Variants in TBCD observed in about 807,000 individuals in gnomAD.
TBCD encodes tubulin-specific chaperone D.
In TBCD, 105 loss-of-function variants were observed where a neutral mutation model predicts 169.3. The ratio of observed to expected loss-of-function variants is 0.62; its 90% CI spans 0.53 to 0.73. The LOEUF (loss-of-function observed/expected upper bound fraction) is 0.73, where lower values mean the gene tolerates loss of function less well. Ranked by LOEUF, TBCD falls within the 30% of genes least tolerant of loss-of-function variation. The pLI is 0.00. For missense variants in TBCD, 1,444 were observed against 1,600.1 expected (o/e 0.90, Z 1.66); for synonymous variants, 700 against 643.9 (o/e 1.09, Z -1.32).
chr17:82,931,655 G>A (rs1001044575), intron 33 of TBCD, among the ~76,000 whole-genome samples: 1 of 152,202 alleles, frequency 6.6e-6, no homozygotes, highest in African/African-American at 2.4e-5. Context: ...CTGTGTGTGC[G>A]AGCCTGTGGG....
At chr17:82,940,714 C>T (rs2063127637) in intron 37 of TBCD, among the ~76,000 whole-genome samples, 1 of 152,204 alleles carries the variant, frequency 6.6e-6, no homozygotes, top group South Asian at 2.1e-4. Flanking sequence ...AGAGAATGGC[C>T]ATCTTAACTA....
chr17:82,841,575 T>G (rs746036409), intron 13 of TBCD, among the ~76,000 whole-genome samples: 1 of 152,228 alleles, frequency 6.6e-6, no homozygotes, highest in Non-Finnish European at 1.5e-5. Context: ...GAGACATCCA[T>G]ATACTTTATG....
rs976610967 is a variant in TBCD, at chr17:82,930,948, G to A, written c.3113+305G>A. On this transcript the variant is annotated intron_variant, in intron 33 of 38. Transcript: ENST00000355528. The surrounding 1 kb of genome is among the most constrained non-coding windows in gnomAD (Gnocchi z 5.2). ...AGGTGGTCCCTGTGTGTAGGAAGGC[G>A]TTGTGGGAGCTCCTCCAGCTTGGTG... Among the ~76,000 whole-genome samples, 4 of 152,362 alleles carry A rather than the reference G, an allele frequency of 2.6e-5. No homozygotes were observed. Among genetic ancestry groups the A allele is most frequent in the African/African-American group, 7.2e-5 (3 of 41,580 alleles).
intron 13 of TBCD, among the ~76,000 whole-genome samples, chr17:82,846,684 C>T (rs1199427863): frequency 1.3e-5 from 2 of 152,236 alleles, no homozygotes; most frequent in African/African-American, 4.8e-5. Context: ...CCTCTCTGCC[C>T]CCGTCACCTC....
rs1293337823 is a variant in TBCD, at chr17:82,849,898, C to T, written c.1319-20326C>T. Among the ~76,000 whole-genome samples, 13 of 150,982 alleles carry T rather than the reference C, an allele frequency of 8.6e-5. No individual in the cohort carries two copies. In the East Asian group the frequency reaches 9.7e-4, roughly 11 times the overall value. On this transcript the variant is annotated intron_variant, in intron 13 of 38. Transcript: ENST00000355528. ...TGAGGCTGTGCTGCTGTTGGCTGTG[C>T]TGTTGTTGGCTGTGCTGTTGTTGGC...
chr17:82,923,623 G>A lies in TBCD; in HGVS notation c.2179-29G>A, dbSNP rs1380892966. 1.9e-6 allele frequency: 3 copies of A among 1,544,860 alleles called. No individual in the cohort carries two copies. The highest frequency in any genetic ancestry group is 1.9e-5 in the Admixed American group (1 of 51,324). ...GGGGGCTTCTCCGAGCAGAGCTGCT[G>A]TGCGCTCACCGTGCTGCCTTTGTTT... On this transcript the variant is annotated intron_variant, in intron 25 of 38. Transcript: ENST00000355528. The surrounding 1 kb of genome is among the most constrained non-coding windows in gnomAD (Gnocchi z 4.6).
intron 9 of TBCD, among the ~76,000 whole-genome samples, chr17:82,805,118 G>A (rs988812998): frequency 5.3e-5 from 8 of 152,374 alleles, no homozygotes; most frequent in African/African-American, 1.2e-4. Context: ...AGCTGTGTAC[G>A]CGGGGGCCTT....
intron 13 of TBCD, among the ~76,000 whole-genome samples, chr17:82,815,663 C>T (rs535420995): frequency 8.1e-4 from 123 of 152,332 alleles, no homozygotes; most frequent in Middle Eastern, 3.4e-3. Flanking sequence ...GATGTCTGTA[C>T]AGGATAGAGT....
intron 9 of TBCD, among the ~76,000 whole-genome samples, chr17:82,803,569 C>T (rs1167800107): frequency 2.6e-5 from 4 of 152,228 alleles, no homozygotes; most frequent in Non-Finnish European, 5.9e-5. Context: ...ATTGCTGCTT[C>T]CTGGGCTGTT....
intron 13 of TBCD, among the ~76,000 whole-genome samples, chr17:82,838,167 T>C (rs927379286): frequency 6.6e-6 from 1 of 152,146 alleles, no homozygotes; most frequent in Non-Finnish European, 1.5e-5. Flanking sequence ...GTGGTTTCGG[T>C]TGGCCATGGG....
intron 28 of TBCD, chr17:82,926,916 C>T (rs1213893666): frequency 9.2e-6 from 5 of 540,658 alleles, no homozygotes; most frequent in African/African-American, 5.7e-5. Context: ...AGCATCCGTT[C>T]CCTCTAGTCA....
chr17:82,944,221 T>TCTAA lies in TBCD; in HGVS notation c.*1761_*1764dup, dbSNP rs1342098995. 6.6e-6 allele frequency: 1 copy of TCTAA among 152,080 alleles called. No individual in the cohort carries two copies. Among genetic ancestry groups the TCTAA allele is most frequent in the Non-Finnish European group, 1.5e-5 (1 of 68,002 alleles). 9.4% of individuals were successfully genotyped at this position (152,080 alleles called of 1,614,324 possible). ...AAAGCAGTTCTTCTTTTAATGTCGG[T>TCTAA]CTAACTTAGCAACCCGAGGAAAGTG... On this transcript the variant is annotated 3_prime_UTR_variant, in exon 39 of 39. Coordinates refer to ENST00000355528, the MANE Select transcript of TBCD (RefSeq NM_005993.5).
At chr17:82,846,695 G>A (rs75394918) in intron 13 of TBCD, among the ~76,000 whole-genome samples, 4,148 of 152,250 alleles carry the variant, frequency 0.027, 210 homozygotes, top group African/African-American at 0.093. Context: ...CCGTCACCTC[G>A]GAGCAGCAGC....
At chr17:82,895,048 G>C (rs536521631) in intron 17 of TBCD, among the ~76,000 whole-genome samples, 112 of 152,334 alleles carry the variant, frequency 7.4e-4, no homozygotes, top group African/African-American at 2.6e-3. Context: ...GGAAGCTTCA[G>C]CATATTTCCC....
At chr17:82,811,693 A>G (rs1250066488) in intron 12 of TBCD, among the ~76,000 whole-genome samples, 2 of 152,032 alleles carry the variant, frequency 1.3e-5, no homozygotes, top group Admixed American at 6.6e-5. Flanking sequence ...GGTGCTCAGC[A>G]TGTGATTGTC....
Position 82,900,672 on chromosome 17 carries a change from T to G in TBCD, c.1671T>G (p.Pro557=). Residue 557 remains proline, a synonymous_variant, in exon 18 of 39, where the codon CCT becomes CCG. Coordinates refer to ENST00000355528, the MANE Select transcript of TBCD (RefSeq NM_005993.5). ...CCAGTGTGTTTATTGCCGGCTTTCC[T>G]GAGTACACGCAGCCAATGATAGACC... The part of the protein sequence containing the change: ...LVISVFIAGF[P]EYTQPMIDHL... 6.2e-7 allele frequency: 1 copy of G among 1,614,002 alleles called. No homozygotes were observed. Among genetic ancestry groups the G allele is most frequent in the Non-Finnish European group, 8.5e-7 (1 of 1,179,862 alleles).
chr17:82,794,117 G>A (rs1385091121), intron 7 of TBCD, among the ~76,000 whole-genome samples: 2 of 152,228 alleles, frequency 1.3e-5, no homozygotes, highest in East Asian at 3.9e-4. Context: ...AGGGCCTCGG[G>A]TGGAGTTGCT....
intron 13 of TBCD, among the ~76,000 whole-genome samples, chr17:82,828,017 G>A (rs2053047389): frequency 6.7e-6 from 1 of 148,486 alleles, no homozygotes; most frequent in African/African-American, 2.5e-5. Context: ...CTGCAGATAT[G>A]TACACGTGGA....
At position 82,832,571 on chromosome 17, in the gene TBCD, T is replaced by A; in HGVS notation, c.1318+17637T>A. ...CGCTTTGCTTTCTTTCCCGATCACTTCTATCAGAAGCCAGCTCTGCGTGCT... is the reference window on the plus strand; with the variant it reads ...CGCTTTGCTTTCTTTCCCGATCACTACTATCAGAAGCCAGCTCTGCGTGCT... On this transcript the variant is annotated intron_variant, in intron 13 of 38. Coordinates refer to ENST00000355528, the MANE Select transcript of TBCD (RefSeq NM_005993.5). This position sits in a 1 kb window ranked among gnomAD's most constrained non-coding sequence, Gnocchi z 4.9. 1.1e-6 allele frequency: 1 copy of A among 878,684 alleles called. No individual in the cohort carries two copies. Among genetic ancestry groups the A allele is most frequent in the Non-Finnish European group, 1.8e-6 (1 of 545,072 alleles). 54.4% of individuals were successfully genotyped at this position (878,684 alleles called of 1,614,324 possible).
Sources: gnomAD v4.1 joint callset for allele counts (sites outside exome capture counted in the v4.1 genomes callset) on GRCh38, gnomAD v4.1.1 for gene constraint, Gnocchi (gnomAD v3.1) non-coding constraint, MANE v1.5 for transcripts, NCBI Gene and HGNC (gene_info 2026-07-23, HGNC 2026-07-21) for gene names.